The following PRKCI variants were observed in gnomAD, a reference collection of about 807,000 sequenced individuals.
PRKCI encodes the protein protein kinase C iota type.
Under a neutral mutation model 84.0 loss-of-function variants are expected in PRKCI, and 43 were observed. That is an observed-to-expected ratio of 0.51 (90% CI 0.40 to 0.66). The LOEUF (loss-of-function observed/expected upper bound fraction) is 0.66. Ranked by LOEUF, PRKCI falls within the 30% of genes least tolerant of loss-of-function variation. The pLI is 0.00. For synonymous variants in PRKCI, 216 were observed against 234.4 expected, an observed-to-expected ratio of 0.92 and a Z score of 0.72; for missense variants, 459 against 745.6, an observed-to-expected ratio of 0.62 and a Z score of 4.48.
chr3:170,250,662 A>G (rs1043152529), intron 2 of PRKCI, among the ~76,000 whole-genome samples: 3 of 152,158 alleles, frequency 2.0e-5, no homozygotes, highest in Admixed American at 6.5e-5. Context: ...TTATCAATTG[A>G]TGGACAATTG....
chr3:170,297,296 C>T lies in PRKCI; in HGVS notation c.1498-8C>T, dbSNP rs1734706791. 2.5e-6 allele frequency: 4 copies of T among 1,604,134 alleles called. No homozygotes were observed. The South Asian group carries it at 4.4e-5, about 18-fold the overall frequency. On this transcript the variant is annotated splice_region_variant and splice_polypyrimidine_tract_variant and intron_variant, in intron 15 of 17. Transcript: ENST00000295797. ...CACCCAATTCTTGAAACATTTCTTT[C>T]ACCATAGGACCCTAAGGAACGATTG... is the stretch of plus-strand genomic sequence containing the variant.
chr3:170,229,622 G>A lies in PRKCI; in HGVS notation c.102-5608G>A, dbSNP rs892482613. On this transcript the variant is annotated intron_variant, in intron 1 of 17. Coordinates refer to ENST00000295797, the MANE Select transcript of PRKCI (RefSeq NM_002740.6). ...ACCATAATATGTTTAATCTTTTTTC[G>A]GATTGATGAACATTTAAAGTTGTCT... is the stretch of plus-strand genomic sequence containing the variant. 9.9e-5 allele frequency among the ~76,000 whole-genome samples: 15 copies of A among 152,050 alleles called. No individual in the cohort carries two copies. In the South Asian group the frequency reaches 1.2e-3, roughly 13 times the overall value.
chr3:170,228,903 C>CT (rs888269275), intron 1 of PRKCI, among the ~76,000 whole-genome samples: 1 of 152,062 alleles, frequency 6.6e-6, no homozygotes, highest in Non-Finnish European at 1.5e-5. Context: ...TCTCCAATGT[C>CT]TACTATTCCC....
chr3:170,295,882 A>G (rs1233153544), intron 14 of PRKCI, 29 bp from the exon 15 acceptor site: 1 of 1,340,972 alleles, frequency 7.5e-7, no homozygotes, highest in Non-Finnish European at 1.0e-6. Flanking sequence ...TAAAAGTTAA[A>G]TATAATACTA....
intron 2 of PRKCI, among the ~76,000 whole-genome samples, chr3:170,237,007 C>T (rs990545912): frequency 6.6e-6 from 1 of 151,888 alleles, no homozygotes; most frequent in Non-Finnish European, 1.5e-5. Flanking sequence ...GGAACATAAA[C>T]GCATAGGGGC....
chr3:170,250,314 A>C (rs1733408878), intron 2 of PRKCI, among the ~76,000 whole-genome samples: 1 of 152,160 alleles, frequency 6.6e-6, no homozygotes, highest in Non-Finnish European at 1.5e-5. Flanking sequence ...TAAAAAAAAA[A>C]AACAACTTTG....
intron 2 of PRKCI, among the ~76,000 whole-genome samples, chr3:170,237,937 G>A (rs1280089118): frequency 6.6e-6 from 1 of 151,760 alleles, no homozygotes; most frequent in Non-Finnish European, 1.5e-5. Flanking sequence ...GTGTATGTAT[G>A]TTTCTATAAA....
chr3:170,249,856 C>T (rs548524774), intron 2 of PRKCI, among the ~76,000 whole-genome samples: 29 of 150,384 alleles, frequency 1.9e-4, no homozygotes, highest in East Asian at 3.9e-4. Flanking sequence ...GATAAATTTA[C>T]GTAACTGAAA....
chr3:170,237,845 C>G (rs1057482787), intron 2 of PRKCI, among the ~76,000 whole-genome samples: 61 of 151,846 alleles, frequency 4.0e-4, no homozygotes, highest in African/African-American at 1.4e-3. Context: ...TTCCTTTTTT[C>G]TCTCTCCTCC....
At chr3:170,268,680 C>CT (rs1733924476) in intron 5 of PRKCI, among the ~76,000 whole-genome samples, 1 of 152,202 alleles carries the variant, frequency 6.6e-6, no homozygotes, top group East Asian at 1.9e-4. Flanking sequence ...ATAGCAAACA[C>CT]TTATCTGGGT....
intron 13 of PRKCI, among the ~76,000 whole-genome samples, chr3:170,292,709 C>CA (rs35749320): frequency 0.26 from 21,348 of 82,350 alleles, 1,815 homozygotes; most frequent in Middle Eastern, 0.29. Context: ...AACTCTGTCT[C>CA]AAAAAAAAAA....
At chr3:170,272,971 G>T (rs1734035394) in intron 6 of PRKCI, among the ~76,000 whole-genome samples, 1 of 152,166 alleles carries the variant, frequency 6.6e-6, no homozygotes, top group South Asian at 2.1e-4. Context: ...TTTTGCCAAA[G>T]ATCTGAAGTG....
chr3:170,262,283 A>AT (rs1733747161), intron 3 of PRKCI, among the ~76,000 whole-genome samples: 1 of 152,160 alleles, frequency 6.6e-6, no homozygotes, highest in African/African-American at 2.4e-5. Flanking sequence ...AAAAACCAAT[A>AT]TTTTATGTTC....
intron 12 of PRKCI, among the ~76,000 whole-genome samples, chr3:170,286,357 A>ATTT (rs1056192378): frequency 6.6e-6 from 1 of 151,604 alleles, no homozygotes. Flanking sequence ...TTCCTAAGGG[A>ATTT]TTTTTTTCTC....
chr3:170,283,922 A>G (rs1266757438), intron 11 of PRKCI, among the ~76,000 whole-genome samples: 1 of 152,166 alleles, frequency 6.6e-6, no homozygotes, highest in Non-Finnish European at 1.5e-5. Flanking sequence ...TAAGTTCTTC[A>G]TTTAATATTA....
At chr3:170,277,156 C>T (rs1032200764) in intron 8 of PRKCI, among the ~76,000 whole-genome samples, 2 of 149,570 alleles carry the variant, frequency 1.3e-5, no homozygotes, top group East Asian at 2.0e-4. Context: ...GGTTGAGGCA[C>T]GAAAATCATT....
At position 170,245,958 on chromosome 3, in the gene PRKCI, T is replaced by TG. The variant is rs542676864; in HGVS notation, c.223+10607_223+10608insG. On this transcript the variant is annotated intron_variant, in intron 2 of 17. Transcript: ENST00000295797. ...TGGATGTTATGTCTTTGTTTTTTTT[T>TG]TTTTTTTTTTTTCTGACACAAATCC... Among the ~76,000 whole-genome samples the TG allele has an allele frequency of 1.5e-3, 165 of 111,716 alleles. 2 individuals carry two copies. The highest frequency in any genetic ancestry group is 4.6e-3 in the Middle Eastern group (1 of 216). The allele number at this position is 111,716 out of a possible 152,430, so 73.3% of individuals were successfully genotyped here.
At chr3:170,278,236 G>A (rs1018437554) in intron 8 of PRKCI, among the ~76,000 whole-genome samples, 2 of 152,082 alleles carry the variant, frequency 1.3e-5, no homozygotes, top group African/African-American at 4.8e-5. Context: ...TTTCCAGTTA[G>A]CCATATTTCA....
chr3:170,235,220 T>C lies in PRKCI; in HGVS notation c.102-10T>C. 6.2e-7 allele frequency: 1 copy of C among 1,612,300 alleles called. No individual in the cohort carries two copies. ...TCATTTTCAAACTGAAAACTCCTTT[T>C]CTTTTTCAGGGATATCATGATAACA... On this transcript the variant is annotated splice_polypyrimidine_tract_variant and intron_variant, in intron 1 of 17. Transcript: ENST00000295797.
Sources: allele counts gnomAD v4.1 joint callset (sites outside exome capture counted in the v4.1 genomes callset), GRCh38; gene constraint gnomAD v4.1.1; transcripts MANE v1.5; gene names NCBI Gene and HGNC (gene_info 2026-07-23, HGNC 2026-07-21).